CPNE9: variants seen among roughly 807,000 people sequenced by gnomAD.
The protein encoded by CPNE9 is copine family member 9, also known as copine-9.
Under a neutral mutation model 83.0 loss-of-function variants are expected in CPNE9, and 59 were observed. That is an observed-to-expected ratio of 0.71 (90% CI 0.58 to 0.88). The LOEUF (loss-of-function observed/expected upper bound fraction) is 0.88. Among genes scored for constraint, CPNE9 ranks in the 40% least tolerant of loss-of-function variants. CPNE9 has a pLI of 0.00. For synonymous variants in CPNE9, 256 were observed against 273.4 expected, an observed-to-expected ratio of 0.94 and a Z score of 0.63; for missense variants, 619 against 720.8, an observed-to-expected ratio of 0.86 and a Z score of 1.62.
chr3:9,710,681 G>A (rs1329651146), intron 7 of CPNE9, among the ~76,000 whole-genome samples: 2 of 152,162 alleles, frequency 1.3e-5, no homozygotes, highest in Non-Finnish European at 2.9e-5. Context: ...TGTGGGTTAG[G>A]CAGAGTGAGG....
At chr3:9,727,443 C>G in intron 20 of CPNE9, 1 of 717,168 alleles carries the variant, frequency 1.4e-6, no homozygotes, top group Non-Finnish European at 2.6e-6. Context: ...AATAATCACA[C>G]AAAGAAATAT....
At chr3:9,705,341 T>G in intron 4 of CPNE9, 123 bp from the exon 5 acceptor site, 1 of 746,914 alleles carries the variant, frequency 1.3e-6, no homozygotes, top group Non-Finnish European at 2.3e-6. Context: ...AGACCAAAGC[T>G]GAATTCGGGT....
intron 15 of CPNE9, 143 bp downstream of exon 15, chr3:9,717,247 A>G: frequency 1.3e-6 from 1 of 780,880 alleles, no homozygotes; most frequent in Non-Finnish European, 2.2e-6. Flanking sequence ...CCAGGAAAAT[A>G]GAGTGCAGAA....
chr3:9,709,364 A>ATT (rs1199207151), intron 7 of CPNE9, among the ~76,000 whole-genome samples: 233 of 137,068 alleles, frequency 1.7e-3, no homozygotes, highest in Non-Finnish European at 2.6e-3. Flanking sequence ...TAAGTTTATA[A>ATT]TTTTTTTTTT....
intron 17 of CPNE9, among the ~76,000 whole-genome samples, chr3:9,725,644 G>GTGTATCTATGTGTATATA (rs1559645969): frequency 1.1e-5 from 1 of 91,936 alleles, no homozygotes; most frequent in Non-Finnish European, 2.0e-5. Context: ...ATACATGTAT[G>GTGTATCTATGTGTATATA]TGTATATATG....
rs145656212 is a variant in CPNE9 at position 9,709,589 on chromosome 3, T to C, written c.378-2952T>C. On this transcript the variant is annotated intron_variant, in intron 7 of 20. Transcript: ENST00000383832. ...TTCGCCACCGTGGCCAGGCTGGTCT[T>C]GAACGCCTTACCTCGTGATCCACCC... 8.7e-3 allele frequency among the ~76,000 whole-genome samples: 1,313 copies of C among 151,584 alleles called. 26 individuals are homozygous for C. Among genetic ancestry groups the C allele is most frequent in the African/African-American group, 0.027 (1,132 of 41,456 alleles).
At chr3:9,710,420 A>C (rs1031997407) in intron 7 of CPNE9, among the ~76,000 whole-genome samples, 1 of 152,142 alleles carries the variant, frequency 6.6e-6, no homozygotes. Flanking sequence ...GGTTGCTTCA[A>C]TTTTGTTCAG....
At chr3:9,716,719 T>A (rs546655499) in intron 14 of CPNE9, among the ~76,000 whole-genome samples, 1 of 152,316 alleles carries the variant, frequency 6.6e-6, no homozygotes, top group Admixed American at 6.5e-5. Flanking sequence ...TGATCCACCC[T>A]CCTCAGCCTC....
At chr3:9,721,608 C>T (rs565564874) in intron 17 of CPNE9, among the ~76,000 whole-genome samples, 3 of 151,888 alleles carry the variant, frequency 2.0e-5, no homozygotes, top group South Asian at 2.1e-4. Flanking sequence ...GTCTAGAGGA[C>T]GAGGTAGACT....
intron 5 of CPNE9, 104 bp downstream of exon 5, chr3:9,705,604 T>C (rs2076555975): frequency 6.4e-7 from 1 of 1,562,108 alleles, no homozygotes; most frequent in African/African-American, 1.4e-5. Context: ...GACCCCATCT[T>C]CTTCAGGCCC....
rs149822513 is a variant in CPNE9, at chr3:9,706,269, T to C, written c.377+206T>C. ...CCTGATATGTCTTTTCTTTTCTTTT[T>C]TTTTTTTCTCTCTCTCTCTCTGTTT... On this transcript the variant is annotated intron_variant, in intron 7 of 20. Transcript: ENST00000383832. Among the ~76,000 whole-genome samples, 672 of 151,838 alleles carry C rather than the reference T, an allele frequency of 4.4e-3. 7 individuals carry two copies. The highest frequency in any genetic ancestry group is 0.016 in the African/African-American group (645 of 41,392).
intron 5 of CPNE9, 85 bp from the exon 6 acceptor site, chr3:9,705,633 C>T (rs748031680): frequency 1.3e-6 from 2 of 1,577,062 alleles, no homozygotes; most frequent in South Asian, 2.2e-5. Flanking sequence ...CCCTCCTGGT[C>T]CCTCTCCTCC....
Position 9,712,828 on chromosome 3 carries a change from C to G in CPNE9, c.545C>G (p.Thr182Arg). The G allele has an allele frequency of 6.2e-7, 1 of 1,609,832 alleles. No homozygotes were observed. The highest frequency in any genetic ancestry group is 1.7e-5 in the Admixed American group (1 of 60,000). ...LVFYRSNEDG[T>R]FTICHKTEVV... ...TTCTACAGGAGCAATGAGGATGGCA[C>G]GTGAGTCACTGCCATCAGGGCTGTT... Residue 182 changes from threonine to arginine, a missense_variant and splice_region_variant, in exon 9 of 21, where the codon ACG becomes AGG. Thr to Arg is a moderately conservative substitution (Grantham distance 71). Transcript: ENST00000383832.
chr3:9,713,563 T>C (rs2076650408), intron 10 of CPNE9, among the ~76,000 whole-genome samples: 1 of 151,794 alleles, frequency 6.6e-6, no homozygotes, highest in African/African-American at 2.4e-5. Flanking sequence ...AATTGGTAAA[T>C]GAGAGTTTGA....
chr3:9,713,100 G>A (rs915663324), intron 10 of CPNE9, 21 bp downstream of exon 10: 2 of 1,580,798 alleles, frequency 1.3e-6, no homozygotes, highest in Non-Finnish European at 1.7e-6. Flanking sequence ...GCATAAGCTG[G>A]GGAGTAAGGA....
At position 9,704,137 on chromosome 3, in the gene CPNE9, T is replaced by C. The variant is rs949655280; in HGVS notation, c.68+73T>C. On this transcript the variant is annotated intron_variant, in intron 1 of 20. Transcript: ENST00000383832. This position sits in a 1 kb window ranked among gnomAD's most constrained non-coding sequence, Gnocchi z 7.1. ...CCCCAGCCAGCCGCGGGGCTCAGCC[T>C]GGGCAGGGGCTAGACCCCCGGGGAG... is the stretch of plus-strand genomic sequence containing the variant. 1 of 1,444,768 alleles carries C rather than the reference T, an allele frequency of 6.9e-7. No individual in the cohort carries two copies. Among genetic ancestry groups the C allele is most frequent in the Non-Finnish European group, 9.5e-7 (1 of 1,053,046 alleles). The allele number at this position is 1,444,768 out of a possible 1,614,324, so 89.5% of individuals were successfully genotyped here.
chr3:9,725,640 G>GTATGTGTATATATGTGTATA lies in CPNE9; in HGVS notation c.1242-303_1242-284dup, dbSNP rs1157764347. ...CATGTGTATATATATGTATATACAT[G>GTATGTGTATATATGTGTATA]TATGTGTATATATGTGTATATATGT... On this transcript the variant is annotated intron_variant, in intron 17 of 20. Coordinates refer to ENST00000383832, the MANE Select transcript of CPNE9 (RefSeq NM_153635.3). 6.1e-5 allele frequency among the ~76,000 whole-genome samples: 3 copies of GTATGTGTATATATGTGTATA among 49,430 alleles called. No homozygotes were observed. In the Admixed American group the frequency reaches 7.1e-4, roughly 12 times the overall value. 32.4% of individuals were successfully genotyped at this position (49,430 alleles called of 152,430 possible).
intron 13 of CPNE9, 26 bp from the exon 14 acceptor site, chr3:9,715,948 C>G (rs200906209): frequency 4.9e-5 from 78 of 1,605,594 alleles, no homozygotes; most frequent in Non-Finnish European, 6.6e-5. Context: ...TTCCAAAGTG[C>G]CAGGGCTGCC....
intron 17 of CPNE9, among the ~76,000 whole-genome samples, chr3:9,725,111 C>A (rs2076765866): frequency 6.6e-6 from 1 of 152,186 alleles, no homozygotes; most frequent in South Asian, 2.1e-4. Flanking sequence ...GCACTCATCA[C>A]AGTGGTGATT....
Sources: allele counts gnomAD v4.1 joint callset (sites outside exome capture counted in the v4.1 genomes callset), GRCh38; gene constraint gnomAD v4.1.1; non-coding constraint Gnocchi (gnomAD v3.1); transcripts MANE v1.5; gene names NCBI Gene and HGNC (gene_info 2026-07-23, HGNC 2026-07-21).